The following CHLSN variants were observed in gnomAD, a reference collection of about 807,000 sequenced individuals.
CHLSN encodes the protein cholesin, also known as protein cholesin.
chr7:1,002,841 C>T, the CHLSN span, among the ~76,000 whole-genome samples: 59 of 15,156 alleles, frequency 3.9e-3, no homozygotes, highest in East Asian at 4.1e-3. Context: ...TGGAGTCCTG[C>T]GGGTGGGGAG....
chr7:1,136,061 TATATAA>T, the CHLSN span, among the ~76,000 whole-genome samples: 4,093 of 117,162 alleles, frequency 0.035, 214 homozygotes, highest in African/African-American at 0.11. Context: ...TATATAAATA[TATATAA>T]ATATAAGTAT....
chr7:983,972 C>T, the CHLSN span, among the ~76,000 whole-genome samples: 9 of 152,132 alleles, frequency 5.9e-5, no homozygotes, highest in African/African-American at 1.4e-4. Context: ...GCCCTGCCTC[C>T]GGCTGCCCCC....
the CHLSN span, chr7:1,093,765 AGGCTGGT>A: frequency 2.2e-6 from 1 of 445,090 alleles, no homozygotes; most frequent in South Asian, 1.6e-5. Flanking sequence ...AAAGCTGATG[AGGCTGGT>A]GACGTTCAGC....
At chr7:1,040,334 A>C in the CHLSN span, among the ~76,000 whole-genome samples, 1 of 151,988 alleles carries the variant, frequency 6.6e-6, no homozygotes. Context: ...CTCTGCAAAA[A>C]AACTTTAAAA....
the CHLSN span, among the ~76,000 whole-genome samples, chr7:1,014,384 C>T: frequency 6.6e-6 from 1 of 152,196 alleles, no homozygotes; most frequent in Admixed American, 6.5e-5. Flanking sequence ...AAAAGGTTCC[C>T]GTAGACTCGA....
chr7:1,011,203 C>T, the CHLSN span, among the ~76,000 whole-genome samples: 6 of 135,978 alleles, frequency 4.4e-5, no homozygotes, highest in South Asian at 2.3e-4. Context: ...CCCACACCCA[C>T]AGACACGGAC....
the CHLSN span, among the ~76,000 whole-genome samples, chr7:1,050,075 T>C: frequency 1.3e-5 from 2 of 152,232 alleles, no homozygotes; most frequent in Admixed American, 6.5e-5. Context: ...GGCCCCACTC[T>C]GAACCGCAAG....
the CHLSN span, among the ~76,000 whole-genome samples, chr7:1,113,206 A>T: frequency 6.7e-6 from 1 of 148,686 alleles, no homozygotes; most frequent in Non-Finnish European, 1.5e-5. Context: ...CAGGCCCCTC[A>T]TGCTTTTTTT....
At chr7:1,091,835 C>G in the CHLSN span, 2 of 1,607,848 alleles carry the variant, frequency 1.2e-6, no homozygotes, top group East Asian at 2.2e-5. Flanking sequence ...CTGTCCCACC[C>G]GCTCCTGGGC....
At chr7:1,097,393 G>A in the CHLSN span, among the ~76,000 whole-genome samples, 5 of 152,230 alleles carry the variant, frequency 3.3e-5, no homozygotes, top group African/African-American at 7.2e-5. This position sits in a 1 kb window ranked among gnomAD's most constrained non-coding sequence, Gnocchi z 4.3. Context: ...CTGGGACAAC[G>A]TGAGCAGTAA....
At chr7:1,100,652 C>G in the CHLSN span, among the ~76,000 whole-genome samples, 3,686 of 152,214 alleles carry the variant, frequency 0.024, 53 homozygotes, top group Non-Finnish European at 0.029. Flanking sequence ...TGACCCAGCT[C>G]TAGCGGAAAC....
chr7:1,006,529 GA>G, the CHLSN span, among the ~76,000 whole-genome samples: 1 of 139,702 alleles, frequency 7.2e-6, no homozygotes, highest in Non-Finnish European at 1.5e-5. Context: ...ATACTGCAGG[GA>G]AAGAGCACAC....
the CHLSN span, among the ~76,000 whole-genome samples, chr7:1,011,818 G>A: frequency 6.6e-6 from 1 of 152,174 alleles, no homozygotes; most frequent in Admixed American, 6.5e-5. Context: ...GACAGGGCCT[G>A]GGGGACGAGG....
the CHLSN span, among the ~76,000 whole-genome samples, chr7:1,072,092 T>C: frequency 6.6e-6 from 1 of 152,040 alleles, no homozygotes; most frequent in African/African-American, 2.4e-5. Flanking sequence ...CATAGACACC[T>C]TAGACTCTGG....
the CHLSN span, among the ~76,000 whole-genome samples, chr7:1,063,886 G>A: frequency 6.6e-6 from 1 of 152,114 alleles, no homozygotes; most frequent in African/African-American, 2.4e-5. Flanking sequence ...TTCCACAGAA[G>A]GGCGAGCTCT....
the CHLSN span, among the ~76,000 whole-genome samples, chr7:1,047,144 CAAAA>C: frequency 6.6e-6 from 1 of 152,198 alleles, no homozygotes; most frequent in East Asian, 1.9e-4. Flanking sequence ...GCCAAGTAAA[CAAAA>C]GAATGCTGTT....
the CHLSN span, among the ~76,000 whole-genome samples, chr7:1,124,600 T>C: frequency 2.2e-4 from 31 of 140,420 alleles, no homozygotes; most frequent in African/African-American, 8.5e-4. Context: ...CATTGGGAGA[T>C]ATACCTAATG....
chr7:984,359 A>AG, the CHLSN span: 832,064 of 1,531,518 alleles, frequency 0.54, 232,077 homozygotes, highest in African/African-American at 0.87. Flanking sequence ...AGGGGACCTA[A>AG]GGGGGGTCTT....
chr7:1,009,971 A>G, the CHLSN span: 2 of 1,568,988 alleles, frequency 1.3e-6, no homozygotes, highest in Non-Finnish European at 1.7e-6. Flanking sequence ...GTCCAGGGCC[A>G]GTTCGGCCCC....
Sources: allele counts gnomAD v4.1 joint callset (sites outside exome capture counted in the v4.1 genomes callset), GRCh38; gene constraint gnomAD v4.1.1; non-coding constraint Gnocchi (gnomAD v3.1); transcripts MANE v1.5; gene names NCBI Gene and HGNC (gene_info 2026-07-23, HGNC 2026-07-21).